Variants in RAB31 observed in about 807,000 individuals in gnomAD.
RAB31 encodes RAB31, member RAS oncogene family.
RAB31 carries 21 observed loss-of-function variants against 25.6 expected under a neutral mutation model. The ratio of observed to expected loss-of-function variants is 0.82; its 90% CI spans 0.58 to 1.18. RAB31 has a LOEUF of 1.18. RAB31 is among the 50% of genes most tolerant of loss of function. RAB31 has a pLI of 0.00. For missense variants in RAB31, 196 were observed against 250.1 expected, an observed-to-expected ratio of 0.78 and a Z score of 1.46; for synonymous variants, 87 against 84.0, an observed-to-expected ratio of 1.04 and a Z score of -0.20.
At chr18:9,710,935 G>T (rs2068013750) in intron 1 of RAB31, among the ~76,000 whole-genome samples, 4 of 139,242 alleles carry the variant, frequency 2.9e-5, no homozygotes, top group Admixed American at 2.8e-4. Context: ...TTTTTTGAGG[G>T]TGGCTGTAAG....
chr18:9,833,998 A>C (rs1057297838), intron 5 of RAB31, among the ~76,000 whole-genome samples: 8 of 152,178 alleles, frequency 5.3e-5, no homozygotes, highest in African/African-American at 1.9e-4. Flanking sequence ...TAGAGATATG[A>C]CCGTCTGGAA....
intron 1 of RAB31, among the ~76,000 whole-genome samples, chr18:9,748,034 A>G (rs1028176880): frequency 6.6e-6 from 1 of 152,242 alleles, no homozygotes; most frequent in African/African-American, 2.4e-5. Flanking sequence ...TCCCAGGATT[A>G]TGCACAATTT....
In RAB31 at chr18:9,766,606, G is replaced by A. The variant is rs2068317720; in HGVS notation, c.40-8672G>A. 6.6e-6 allele frequency among the ~76,000 whole-genome samples: 1 copy of A among 152,130 alleles called. No individual in the cohort carries two copies. The highest frequency in any genetic ancestry group is 1.5e-5 in the Non-Finnish European group (1 of 68,028). On this transcript the variant is annotated intron_variant, in intron 1 of 6. Transcript: ENST00000578921. This position sits in a 1 kb window ranked among gnomAD's most constrained non-coding sequence, Gnocchi z 4.3. ...CCACAAGGTCTGCTGCCCTGTACAG[G>A]CCTCCTGAATTCCCTAACTTAACTC...
intron 6 of RAB31, 111 bp downstream of exon 6, chr18:9,845,802 C>T (rs567913842): frequency 3.4e-5 from 47 of 1,390,754 alleles, no homozygotes; most frequent in Non-Finnish European, 4.1e-5. Context: ...GTGAATTTAT[C>T]GGATGCCATG....
intron 1 of RAB31, among the ~76,000 whole-genome samples, chr18:9,741,574 T>C (rs766001484): frequency 2.4e-4 from 36 of 152,052 alleles, no homozygotes; most frequent in African/African-American, 7.0e-4. Context: ...GGAAGTCCTT[T>C]CTGTGCTGGG....
intron 5 of RAB31, among the ~76,000 whole-genome samples, chr18:9,818,185 T>G (rs2068608346): frequency 6.6e-6 from 1 of 152,236 alleles, no homozygotes; most frequent in Non-Finnish European, 1.5e-5. Flanking sequence ...ACTAATTCAT[T>G]TTTAATTTTT....
At chr18:9,798,963 A>C (rs58064239) in intron 3 of RAB31, among the ~76,000 whole-genome samples, 36,123 of 152,072 alleles carry the variant, frequency 0.24, 4,372 homozygotes, top group South Asian at 0.35. Context: ...TGGCACTTGT[A>C]GTCCCAGTTA....
chr18:9,831,277 C>T (rs142451008), intron 5 of RAB31, among the ~76,000 whole-genome samples: 299 of 152,302 alleles, frequency 2.0e-3, no homozygotes, highest in African/African-American at 6.5e-3. Context: ...GTTGCTCAAA[C>T]GGTTCCAACT....
chr18:9,716,639 C>T (rs1330158395), intron 1 of RAB31, among the ~76,000 whole-genome samples: 3 of 152,180 alleles, frequency 2.0e-5, no homozygotes, highest in Admixed American at 6.5e-5. Flanking sequence ...GGTCCTACAG[C>T]TTCCTCCTGT....
intron 5 of RAB31, among the ~76,000 whole-genome samples, chr18:9,818,018 G>A (rs1205900393): frequency 2.0e-5 from 3 of 152,134 alleles, no homozygotes; most frequent in Non-Finnish European, 4.4e-5. Context: ...AGGTCGGAAT[G>A]TGGCTCCTCA....
chr18:9,823,805 G>A (rs2068635509), intron 5 of RAB31, among the ~76,000 whole-genome samples: 1 of 152,146 alleles, frequency 6.6e-6, no homozygotes, highest in Admixed American at 6.5e-5. Flanking sequence ...AAGATAAACA[G>A]GGTAACTGTA....
intron 1 of RAB31, chr18:9,734,793 G>A (rs1052179407): frequency 3.6e-5 from 6 of 168,784 alleles, no homozygotes; most frequent in Non-Finnish European, 7.9e-5. Context: ...TTTTTAAAAA[G>A]TATTTAGCAT....
At chr18:9,741,110 T>G in intron 1 of RAB31, among the ~76,000 whole-genome samples, 1 of 152,020 alleles carries the variant, frequency 6.6e-6, no homozygotes, top group East Asian at 1.9e-4. Context: ...GCATGGTGGC[T>G]CACGCCTGTA....
chr18:9,734,153 A>G, intron 1 of RAB31, among the ~76,000 whole-genome samples: 1 of 151,524 alleles, frequency 6.6e-6, no homozygotes, highest in East Asian at 1.9e-4. Context: ...TCATGCACTC[A>G]GGTCCTCAGG....
At chr18:9,782,060 G>A (rs1249539585) in intron 2 of RAB31, among the ~76,000 whole-genome samples, 1 of 152,224 alleles carries the variant, frequency 6.6e-6, no homozygotes, top group Non-Finnish European at 1.5e-5. Flanking sequence ...CCATTCCCAT[G>A]TGGTGGGAGC....
At position 9,857,693 on chromosome 18, in the gene RAB31, TAGATAGATA is replaced by T. The variant is rs1568198169; in HGVS notation, c.491-1534_491-1526del. On this transcript the variant is annotated intron_variant, in intron 6 of 6. Coordinates refer to ENST00000578921, the MANE Select transcript of RAB31 (RefSeq NM_006868.4). Reference sequence around the variant, plus strand: ...GATAGATAGATAGATAGATGATAGATAGATAGATAGATAGATAGATAGATAGATAGATAG... The same window carrying T: ...GATAGATAGATAGATAGATGATAGATGATAGATAGATAGATAGATAGATAG... 2.1e-3 allele frequency among the ~76,000 whole-genome samples: 278 copies of T among 134,992 alleles called. 1 individual carries two copies. Among genetic ancestry groups the T allele is most frequent in the African/African-American group, 7.5e-3 (259 of 34,720 alleles). 88.6% of individuals were successfully genotyped at this position (134,992 alleles called of 152,430 possible). A position where few individuals can be genotyped will look rare whatever the true frequency, so the allele number is the denominator to read the frequency against.
At chr18:9,758,992 A>G (rs902382044) in intron 1 of RAB31, among the ~76,000 whole-genome samples, 3 of 151,972 alleles carry the variant, frequency 2.0e-5, no homozygotes, top group Non-Finnish European at 4.4e-5. Context: ...ATTAGACAGA[A>G]TTGATAATCT....
At chr18:9,796,591 G>GA (rs1599042286) in intron 3 of RAB31, among the ~76,000 whole-genome samples, 1 of 151,916 alleles carries the variant, frequency 6.6e-6, no homozygotes, top group African/African-American at 2.4e-5. Flanking sequence ...AAATGAGAAA[G>GA]AAAAAATAAT....
At chr18:9,736,417 G>T (rs1206008538) in intron 1 of RAB31, among the ~76,000 whole-genome samples, 1 of 152,150 alleles carries the variant, frequency 6.6e-6, no homozygotes, top group East Asian at 1.9e-4. Context: ...CCTCCCAGAT[G>T]ATGCTCAGGG....
Sources: gnomAD v4.1 joint callset for allele counts (sites outside exome capture counted in the v4.1 genomes callset) on GRCh38, gnomAD v4.1.1 for gene constraint, Gnocchi (gnomAD v3.1) non-coding constraint, MANE v1.5 for transcripts, NCBI Gene and HGNC (gene_info 2026-07-23, HGNC 2026-07-21) for gene names.